Variants in DPY19L4 observed in about 807,000 individuals in gnomAD.
DPY19L4 encodes dpy-19 like 4.
Under a neutral mutation model 102.8 loss-of-function variants are expected in DPY19L4, and 97 were observed. The ratio of observed to expected loss-of-function variants is 0.94; its 90% confidence interval spans 0.80 to 1.12. DPY19L4 has a LOEUF of 1.12. Among genes scored for constraint, DPY19L4 ranks in the 50% most tolerant of loss-of-function variants. The pLI is 0.00. For missense variants in DPY19L4, 815 were observed against 850.4 expected, an observed-to-expected ratio of 0.96 and a Z score of 0.52; for synonymous variants, 252 against 283.1, an observed-to-expected ratio of 0.89 and a Z score of 1.10.
intron 7 of DPY19L4, among the ~76,000 whole-genome samples, chr8:94,757,539 A>C (rs2130865548): frequency 6.6e-6 from 1 of 151,870 alleles, no homozygotes; most frequent in Non-Finnish European, 1.5e-5. Flanking sequence ...CCTCCTGTGT[A>C]GCTGAGATTA....
At chr8:94,775,364 G>T (rs536989924) in intron 13 of DPY19L4, among the ~76,000 whole-genome samples, 23 of 152,122 alleles carry the variant, frequency 1.5e-4, no homozygotes, top group Admixed American at 1.4e-3. Flanking sequence ...TAGAGATGGG[G>T]TTTCACCTTG....
At chr8:94,782,824 T>TA (rs1174293273) in intron 16 of DPY19L4, among the ~76,000 whole-genome samples, 27 of 152,238 alleles carry the variant, frequency 1.8e-4, no homozygotes, top group Non-Finnish European at 5.9e-5. Context: ...TTTCTATTGT[T>TA]GAACACTGCC....
At chr8:94,747,608 GAGTGC>G (rs1453784080) in intron 6 of DPY19L4, among the ~76,000 whole-genome samples, 1 of 149,022 alleles carries the variant, frequency 6.7e-6, no homozygotes. Flanking sequence ...GCCCAGGCTG[GAGTGC>G]AGTGGCACGA....
chr8:94,745,934 A>G (rs1386085843), intron 6 of DPY19L4, among the ~76,000 whole-genome samples: 1 of 151,588 alleles, frequency 6.6e-6, no homozygotes, highest in Admixed American at 6.6e-5. Context: ...TTGTGTTTTT[A>G]GTAGAGACAG....
chr8:94,735,804 T>C (rs1199487605), intron 3 of DPY19L4, among the ~76,000 whole-genome samples: 4 of 152,170 alleles, frequency 2.6e-5, no homozygotes, highest in Non-Finnish European at 5.9e-5. Flanking sequence ...ATCTACAGTT[T>C]AATAAGGTCT....
intron 11 of DPY19L4, 84 bp from the exon 12 acceptor site, chr8:94,768,311 G>T: frequency 9.0e-7 from 1 of 1,114,304 alleles, no homozygotes. Flanking sequence ...TTTTTTCTTA[G>T]TTTTTGCTGA....
At chr8:94,748,537 A>C (rs1485951076) in intron 6 of DPY19L4, among the ~76,000 whole-genome samples, 1 of 152,170 alleles carries the variant, frequency 6.6e-6, no homozygotes, top group Non-Finnish European at 1.5e-5. Context: ...CCCAACTCCC[A>C]GGCCACAGAC....
intron 4 of DPY19L4, among the ~76,000 whole-genome samples, chr8:94,738,908 A>G (rs1361970849): frequency 6.6e-6 from 1 of 152,038 alleles, no homozygotes; most frequent in African/African-American, 2.4e-5. Flanking sequence ...AATTGTGCAT[A>G]TTTATGGGGA....
intron 12 of DPY19L4, 76 bp from the exon 13 acceptor site, chr8:94,770,376 A>C: frequency 1.4e-6 from 2 of 1,434,720 alleles, no homozygotes; most frequent in Non-Finnish European, 1.8e-6. Flanking sequence ...TGTCCTTCAA[A>C]GATGATAAAC....
In DPY19L4 at chr8:94,781,119, A is replaced by C; in HGVS notation, c.1668A>C (p.Leu556=). The change falls in exon 16 of 19, where the codon CTA becomes CTC. Residue 556 remains leucine (L), a synonymous_variant. Transcript: ENST00000414645. ...GATTAATGACAGAATTAATGGAACT[A>C]CAGGAATTCTATGACCCAGATACAG... ...FPRLMTELME[L]QEFYDPDTVE... 6.3e-7 allele frequency: 1 copy of C among 1,592,446 alleles called. No individual in the cohort carries two copies. The highest frequency in any genetic ancestry group is 8.5e-7 in the Non-Finnish European group (1 of 1,175,608).
rs750482035 is a variant in DPY19L4, at chr8:94,770,496, T to C, written c.1379T>C (p.Ile460Thr). Reference sequence around the variant, plus strand: ...ACTGTTACTCTTGAAGATGGACGAATTGGAGAAAGACCAGAAATAATTTAT... The same window carrying C: ...ACTGTTACTCTTGAAGATGGACGAACTGGAGAAAGACCAGAAATAATTTAT... ...KETVTLEDGRIGERPEIIYHV... is the reference protein window; with the variant it reads ...KETVTLEDGRTGERPEIIYHV... The change falls in exon 13 of 19, where the codon ATT (isoleucine) becomes ACT (threonine). Residue 460 changes from isoleucine to threonine, a missense_variant. Physicochemically the swap from Ile to Thr is moderately conservative, Grantham distance 89. Coordinates refer to ENST00000414645, the MANE Select transcript of DPY19L4 (RefSeq NM_181787.3). The C allele has an allele frequency of 2.4e-5, 38 of 1,613,832 alleles. No homozygotes were observed. Among genetic ancestry groups the C allele is most frequent in the Non-Finnish European group, 3.1e-5 (37 of 1,179,958 alleles).
intron 10 of DPY19L4, 24 bp downstream of exon 10, chr8:94,765,833 A>G (rs1376718090): frequency 7.5e-7 from 1 of 1,335,724 alleles, no homozygotes; most frequent in South Asian, 1.3e-5. Flanking sequence ...TGGGATTCAT[A>G]TAGTAAAACA....
At chr8:94,782,802 T>G (rs140680420) in intron 16 of DPY19L4, among the ~76,000 whole-genome samples, 3 of 152,240 alleles carry the variant, frequency 2.0e-5, no homozygotes, top group Admixed American at 2.0e-4. Context: ...TAATACTTTT[T>G]GTAAATTCTG....
chr8:94,769,069 T>G (rs979844934), intron 12 of DPY19L4, among the ~76,000 whole-genome samples: 2 of 149,636 alleles, frequency 1.3e-5, no homozygotes, highest in Admixed American at 6.6e-5. Context: ...TTTGTTTTTT[T>G]TTTTTTTTTG....
At chr8:94,759,859 GT>G (rs1342220664) in intron 7 of DPY19L4, among the ~76,000 whole-genome samples, 1 of 152,182 alleles carries the variant, frequency 6.6e-6, no homozygotes, top group African/African-American at 2.4e-5. Flanking sequence ...TTGAGGCTAA[GT>G]TTCGTGGTCC....
At chr8:94,722,204 G>A (rs986787849) in intron 1 of DPY19L4, among the ~76,000 whole-genome samples, 13 of 152,130 alleles carry the variant, frequency 8.5e-5, no homozygotes, top group East Asian at 1.9e-4. Context: ...TCAGGAGTTC[G>A]AGACCAGCCT....
At chr8:94,757,387 A>G (rs756419270) in intron 7 of DPY19L4, among the ~76,000 whole-genome samples, 1 of 152,168 alleles carries the variant, frequency 6.6e-6, no homozygotes, top group Non-Finnish European at 1.5e-5. Context: ...GTATTTGTAT[A>G]AAGATCTTTC....
intron 11 of DPY19L4, among the ~76,000 whole-genome samples, 156 bp from the exon 12 acceptor site, chr8:94,768,239 A>G (rs190739453): frequency 2.0e-5 from 3 of 152,288 alleles, no homozygotes; most frequent in East Asian, 3.9e-4. Flanking sequence ...ATATGATACT[A>G]TTATCTTCAT....
intron 2 of DPY19L4, among the ~76,000 whole-genome samples, chr8:94,734,306 C>G (rs978025156): frequency 1.3e-5 from 2 of 152,154 alleles, no homozygotes; most frequent in Non-Finnish European, 2.9e-5. Flanking sequence ...CTTGGCCTCC[C>G]AAAGTGCCAC....
Sources: allele counts gnomAD v4.1 joint callset (sites outside exome capture counted in the v4.1 genomes callset), GRCh38; gene constraint gnomAD v4.1.1; transcripts MANE v1.5; gene names NCBI Gene and HGNC (gene_info 2026-07-23, HGNC 2026-07-21).